SPEG: variants seen among roughly 807,000 people sequenced by gnomAD.
SPEG encodes striated muscle enriched protein kinase, also known as striated muscle preferentially expressed protein kinase.
In SPEG, 114 loss-of-function variants were observed where a neutral mutation model predicts 300.4. The observed-to-expected ratio is 0.38, with a 90% confidence interval of 0.33 to 0.44. SPEG has a LOEUF of 0.44. Ranked by LOEUF, SPEG falls within the 20% of genes least tolerant of loss-of-function variation. The probability of loss-of-function intolerance (pLI) is 1.00; values close to 1 mark genes in which losing one functional copy is unlikely to be tolerated. For synonymous variants in SPEG, 1,964 were observed against 2,018.9 expected (o/e 0.97, Z 0.73); for missense variants, 4,201 against 4,586.2 (o/e 0.92, Z 2.43).
Position 219,434,953 on chromosome 2 carries a change from C to A in SPEG, c.-25C>A. The A allele has an allele frequency of 1.4e-6, 2 of 1,478,080 alleles. No homozygotes were observed. The highest frequency in any genetic ancestry group is 1.3e-5 in the South Asian group (1 of 77,842). 91.6% of individuals were successfully genotyped at this position (1,478,080 alleles called of 1,614,324 possible). A position where few individuals can be genotyped will look rare whatever the true frequency, so the allele number is the denominator to read the frequency against. Reference sequence around the variant, plus strand: ...CCCCGTGGCCGCCCAGTTCCGGCGTCCCCCCAGCCCAGCTCTCAGTGGCCA... The same window carrying A: ...CCCCGTGGCCGCCCAGTTCCGGCGTACCCCCAGCCCAGCTCTCAGTGGCCA... On this transcript the variant is annotated 5_prime_UTR_variant, in exon 1 of 41. Transcript: ENST00000312358.
At chr2:219,450,039 G>A (rs1195262533) in intron 4 of SPEG, among the ~76,000 whole-genome samples, 2 of 152,134 alleles carry the variant, frequency 1.3e-5, no homozygotes, top group African/African-American at 2.4e-5. Flanking sequence ...CTCCAGAATA[G>A]ATGCCTCTAC....
intron 9 of SPEG, chr2:219,466,120 A>G: frequency 6.3e-7 from 1 of 1,584,110 alleles, no homozygotes. Context: ...CCCCTGTCTC[A>G]GGCACCTCTC....
At chr2:219,472,407 G>A in intron 15 of SPEG, 76 bp downstream of exon 15, 6 of 1,313,174 alleles carry the variant, frequency 4.6e-6, no homozygotes, top group Non-Finnish European at 6.5e-6. Flanking sequence ...CACCATGGGG[G>A]CCAGGCCCCA....
In SPEG at chr2:219,445,219, T is replaced by A; in HGVS notation, c.815+58T>A. ...CCCATCTCACCACGCTGTCCTGCGC[T>A]GCCCTCACTGCTCAGTCAGCCTCCA... On this transcript the variant is annotated intron_variant, in intron 3 of 40. Coordinates refer to ENST00000312358, the MANE Select transcript of SPEG (RefSeq NM_005876.5). The surrounding 1 kb of genome is among the most constrained non-coding windows in gnomAD (Gnocchi z 6.1). 6.9e-7 allele frequency: 1 copy of A among 1,449,032 alleles called. No individual in the cohort carries two copies. Among genetic ancestry groups the A allele is most frequent in the South Asian group, 1.2e-5 (1 of 82,062 alleles). 89.8% of individuals were successfully genotyped at this position (1,449,032 alleles called of 1,614,324 possible).
At chr2:219,490,986 G>A in intron 38 of SPEG, 30 bp downstream of exon 38, 1 of 1,577,302 alleles carries the variant, frequency 6.3e-7, no homozygotes, top group Non-Finnish European at 8.7e-7. Flanking sequence ...GCCAGGGTGG[G>A]GACAGGGCCC....
Position 219,479,991 on chromosome 2 carries a change from T to A in SPEG, c.5193T>A (p.Ala1731=). ...KPENLLVWDG[A]AGEQQVRICD... ...AGAACCTGCTGGTGTGGGATGGTGC[T>A]GCGGGCGAGCAGCAGGTGCGGATCT... The change falls in exon 25 of 41, where the codon GCT becomes GCA. Residue 1731 remains alanine, a synonymous_variant. Coordinates refer to ENST00000312358, the MANE Select transcript of SPEG (RefSeq NM_005876.5). This position sits in a 1 kb window ranked among gnomAD's most constrained non-coding sequence, Gnocchi z 5.5. 1 of 1,614,140 alleles carries A rather than the reference T, an allele frequency of 6.2e-7. No homozygotes were observed. Among genetic ancestry groups the A allele is most frequent in the Non-Finnish European group, 8.5e-7 (1 of 1,180,016 alleles).
In SPEG at chr2:219,485,068, C is replaced by G; in HGVS notation, c.7605C>G (p.Ser2535=). Residue 2535 remains serine (S), a synonymous_variant, in exon 30 of 41, where the codon TCC becomes TCG. Transcript: ENST00000312358. The part of the protein sequence containing the change: ...LGSEASATSG[S]SAPGESRSRL... The stretch of plus-strand genomic sequence containing the variant: ...CCGAGGCCAGCGCCACGTCGGGCTC[C>G]TCAGGTGAGGAGGGGCAGGGGTAGG... 3.9e-6 allele frequency: 6 copies of G among 1,532,432 alleles called. No homozygotes were observed. The highest frequency in any genetic ancestry group is 5.2e-6 in the Non-Finnish European group (6 of 1,145,978). The allele number at this position is 1,532,432 out of a possible 1,614,324, so 94.9% of individuals were successfully genotyped here. A position where few individuals can be genotyped will look rare whatever the true frequency, so the allele number is the denominator to read the frequency against.
Position 219,477,505 on chromosome 2 carries a change from C to T in SPEG, c.4729+60C>T. ...ACCCCCTGGAATCTGATGTGACCCT[C>T]CATGCTCTGCCCAGGAAGCAGCCAG... On this transcript the variant is annotated intron_variant, in intron 20 of 40. Coordinates refer to ENST00000312358, the MANE Select transcript of SPEG (RefSeq NM_005876.5). This position sits in a 1 kb window ranked among gnomAD's most constrained non-coding sequence, Gnocchi z 6.4. 1 of 1,494,362 alleles carries T rather than the reference C, an allele frequency of 6.7e-7. No homozygotes were observed. The highest frequency in any genetic ancestry group is 9.0e-7 in the Non-Finnish European group (1 of 1,113,552). The allele number at this position is 1,494,362 out of a possible 1,614,324, so 92.6% of individuals were successfully genotyped here.
chr2:219,472,144 C>G, intron 14 of SPEG, 83 bp from the exon 15 acceptor site: 1 of 1,542,566 alleles, frequency 6.5e-7, no homozygotes, highest in Non-Finnish European at 8.9e-7. Flanking sequence ...CCCCCAGGCC[C>G]TAGCCTCCTG....
chr2:219,465,839 A>C, intron 9 of SPEG: 3 of 586,470 alleles, frequency 5.1e-6, no homozygotes, highest in Non-Finnish European at 9.2e-6. Context: ...GCGTGCGTGT[A>C]TGTGCATGCA....
At chr2:219,472,187 G>A in intron 14 of SPEG, 40 bp from the exon 15 acceptor site, 1 of 1,599,220 alleles carries the variant, frequency 6.3e-7, no homozygotes, top group Non-Finnish European at 8.6e-7. Flanking sequence ...GGGGCTGTTG[G>A]GCCCTTGGAC....
At position 219,445,096 on chromosome 2, in the gene SPEG, C is replaced by T. The variant is rs747742895; in HGVS notation, c.750C>T (p.Ser250=). The T allele has an allele frequency of 1.4e-5, 22 of 1,602,142 alleles. No homozygotes were observed. In the East Asian group the frequency reaches 2.5e-4, roughly 18 times the overall value. Residue 250 remains serine, a synonymous_variant, in exon 3 of 41, where the codon TCC becomes TCT. Coordinates refer to ENST00000312358, the MANE Select transcript of SPEG (RefSeq NM_005876.5). The surrounding 1 kb of genome is among the most constrained non-coding windows in gnomAD (Gnocchi z 6.1). ...GASWGSEDSL[S]VASDLYGSAF... The stretch of plus-strand genomic sequence containing the variant: ...GCTGGGGGTCAGAGGATAGCCTTTC[C>T]GTGGCCAGTGACCTGTACGGCAGCG...
In SPEG at chr2:219,472,225, A is replaced by G; in HGVS notation, c.3836-2A>G. On this transcript the variant is annotated splice_acceptor_variant, in intron 14 of 40. Coordinates refer to ENST00000312358, the MANE Select transcript of SPEG (RefSeq NM_005876.5). LOFTEE classifies it high-confidence loss of function. The stretch of plus-strand genomic sequence containing the variant: ...AGCAGACATTCGAACTGCGGCTTTC[A>G]GATGTGGTCCCAGGCCCTCCAGATG... 6.2e-7 allele frequency: 1 copy of G among 1,613,428 alleles called. No individual in the cohort carries two copies. Among genetic ancestry groups the G allele is most frequent in the East Asian group, 2.2e-5 (1 of 44,874 alleles).
Position 219,484,170 on chromosome 2 carries a change from A to T in SPEG, c.6707A>T (p.Gln2236Leu). ...CCTGCACCACCCCCCCAGGCCCTGC[A>T]AACCCTAGCGCTGCCCCTCACACCC... The part of the protein sequence containing the change: ...SKPAPPPQAL[Q>L]TLALPLTPYA... Residue 2236 changes from glutamine (Q) to leucine (L), a missense_variant, in exon 30 of 41, where the codon CAA becomes CTA. Physicochemically the swap from Gln to Leu is moderately radical, Grantham distance 113. Coordinates refer to ENST00000312358, the MANE Select transcript of SPEG (RefSeq NM_005876.5). The T allele has an allele frequency of 7.4e-6, 12 of 1,613,384 alleles. No individual in the cohort carries two copies. The highest frequency in any genetic ancestry group is 1.0e-5 in the Non-Finnish European group (12 of 1,179,896).
chr2:219,467,303 G>C lies in SPEG; in HGVS notation c.3011G>C (p.Arg1004Pro). Residue 1004 changes from arginine to proline, a missense_variant, in exon 10 of 41, where the codon CGT becomes CCT. Physicochemically the swap from Arg to Pro is moderately radical, Grantham distance 103. This residue lies in a region of SPEG where 1,047 missense variants were observed against 1,356.8 expected (regional missense o/e 0.77). Coordinates refer to ENST00000312358, the MANE Select transcript of SPEG (RefSeq NM_005876.5). ...GACGTGGAGGTGGATTGGCTGTGCCGTGGCCGCCTGCTGCAGCCTGCACTG... is the reference window on the plus strand; with the variant it reads ...GACGTGGAGGTGGATTGGCTGTGCCCTGGCCGCCTGCTGCAGCCTGCACTG... ...PTDVEVDWLCRGRLLQPALLK... is the reference protein window; with the variant it reads ...PTDVEVDWLCPGRLLQPALLK... 1 of 1,610,682 alleles carries C rather than the reference G, an allele frequency of 6.2e-7. No individual in the cohort carries two copies.
Position 219,481,283 on chromosome 2 carries a change from C to T in SPEG, c.5370-21C>T, listed in dbSNP as rs1692818478. On this transcript the variant is annotated intron_variant, in intron 26 of 40. Transcript: ENST00000312358. The surrounding 1 kb of genome is among the most constrained non-coding windows in gnomAD (Gnocchi z 5.4). The stretch of plus-strand genomic sequence containing the variant: ...CTTTGTCCCCGCCTGCCCCTCATGA[C>T]AGCCCTCTTCACCCCTGCAGTCTGA... 2 of 1,612,360 alleles carry T rather than the reference C, an allele frequency of 1.2e-6. No homozygotes were observed. The highest frequency in any genetic ancestry group is 2.2e-5 in the East Asian group (1 of 44,868).
rs1691666899 is a variant in SPEG at position 219,469,355 on chromosome 2, A to G, written c.3691A>G (p.Ser1231Gly). ...CCACAATGGCCACCGCATCCAGAGCAGCGACGACCGGCGCATGACACAGTG... is the reference window on the plus strand; with the variant it reads ...CCACAATGGCCACCGCATCCAGAGCGGCGACGACCGGCGCATGACACAGTG... ...WFHNGHRIQSSDDRRMTQYRD... is the reference protein window; with the variant it reads ...WFHNGHRIQSGDDRRMTQYRD... The change falls in exon 13 of 41, where the codon AGC becomes GGC. Residue 1231 changes from serine (S) to glycine (G), a missense_variant. Physicochemically the swap from Ser to Gly is moderately conservative, Grantham distance 56. Transcript: ENST00000312358. 1.9e-6 allele frequency: 3 copies of G among 1,613,738 alleles called. No individual in the cohort carries two copies. Among genetic ancestry groups the G allele is most frequent in the Non-Finnish European group, 2.5e-6 (3 of 1,179,920 alleles).
rs1477050241 is a variant in SPEG, at chr2:219,489,737, GT to G, written c.8720del (p.Val2907GlyfsTer21). 1 of 1,613,820 alleles carries G rather than the reference GT, an allele frequency of 6.2e-7. No homozygotes were observed. The highest frequency in any genetic ancestry group is 8.5e-7 in the Non-Finnish European group (1 of 1,179,930). On this transcript the variant is annotated frameshift_variant, in exon 36 of 41. Transcript: ENST00000312358. LOFTEE classifies it high-confidence loss of function. ...STPVYVVTSF[V>X]SAPPAPEPPA... is the part of the protein sequence containing the mutation. The stretch of plus-strand genomic sequence containing the variant: ...TCCTGTGTATGTGGTGACTTCCTTT[GT>G]GTCTGCACCACCAGCCCCTGAGCCC...
chr2:219,476,447 C>T (rs946507254), intron 18 of SPEG, among the ~76,000 whole-genome samples: 26 of 152,166 alleles, frequency 1.7e-4, no homozygotes, highest in Admixed American at 1.6e-3. Context: ...CCACAGGGGG[C>T]AGCATTGGGC....
Sources: gnomAD v4.1 joint callset for allele counts (sites outside exome capture counted in the v4.1 genomes callset) on GRCh38, gnomAD v4.1.1 for gene constraint, gnomAD v4.1.1 regional missense constraint, Gnocchi (gnomAD v3.1) non-coding constraint, MANE v1.5 for transcripts, NCBI Gene and HGNC (gene_info 2026-07-23, HGNC 2026-07-21) for gene names.